The following LRP1B variants were observed in gnomAD, a reference collection of about 807,000 sequenced individuals.
The protein encoded by LRP1B is low-density lipoprotein receptor-related protein 1B.
In LRP1B, 217 loss-of-function variants were observed where a neutral mutation model predicts 556.6. The observed-to-expected ratio is 0.39, with a 90% confidence interval of 0.35 to 0.44. The LOEUF (loss-of-function observed/expected upper bound fraction) is 0.44, where lower values mean the gene tolerates loss of function less well. Ranked by LOEUF, LRP1B falls within the 20% of genes least tolerant of loss-of-function variation. The pLI is 1.00. For missense variants in LRP1B, 5,053 were observed against 5,620.8 expected, an observed-to-expected ratio of 0.90 and a Z score of 3.23; for synonymous variants, 2,047 against 1,865.8, an observed-to-expected ratio of 1.10 and a Z score of -2.50.
intron 32 of LRP1B, among the ~76,000 whole-genome samples, chr2:140,802,670 T>C (rs1690557202): frequency 6.6e-6 from 1 of 152,212 alleles, no homozygotes; most frequent in South Asian, 2.1e-4. Context: ...AGATATAGTA[T>C]GCCCAAAGCA....
At chr2:140,320,444 CTG>C (rs1414015060) in intron 82 of LRP1B, among the ~76,000 whole-genome samples, 5 of 152,120 alleles carry the variant, frequency 3.3e-5, no homozygotes, top group African/African-American at 1.2e-4. Context: ...GAGATGCTGA[CTG>C]TGAGGGTAAG....
intron 2 of LRP1B, among the ~76,000 whole-genome samples, chr2:141,672,954 T>C (rs1202201243): frequency 6.6e-6 from 1 of 152,130 alleles, no homozygotes; most frequent in Non-Finnish European, 1.5e-5. Context: ...CAAGCCCTGG[T>C]TTTACAGACT....
At chr2:140,326,191 ACTTTT>A (rs1450114269) in intron 79 of LRP1B, among the ~76,000 whole-genome samples, 6 of 152,212 alleles carry the variant, frequency 3.9e-5, no homozygotes, top group Non-Finnish European at 5.9e-5. Flanking sequence ...TCTCTAATAG[ACTTTT>A]CTTTAATATT....
rs1553526085 is a variant in LRP1B, at chr2:141,517,027, A to AC, written c.206-36495_206-36494insG. 3.6e-4 allele frequency among the ~76,000 whole-genome samples: 50 copies of AC among 136,994 alleles called. 5 individuals carry two copies. The highest frequency in any genetic ancestry group is 1.4e-3 in the African/African-American group (46 of 33,370). 89.9% of individuals were successfully genotyped at this position (136,994 alleles called of 152,430 possible). A position where few individuals can be genotyped will look rare whatever the true frequency, so the allele number is the denominator to read the frequency against. On this transcript the variant is annotated intron_variant, in intron 2 of 90. Transcript: ENST00000389484. ...CTTAAAAAAAAAAAAAAAAAAAAAA[A>AC]AAAAAGTAAATCAATGAAATAATTT...
At chr2:141,261,078 T>C (rs553832206) in intron 3 of LRP1B, among the ~76,000 whole-genome samples, 2 of 152,314 alleles carry the variant, frequency 1.3e-5, no homozygotes, top group South Asian at 4.1e-4. Context: ...CAGCTCCTCT[T>C]GTCAGCAGGA....
intron 41 of LRP1B, among the ~76,000 whole-genome samples, chr2:140,657,608 TATATACATACATATATACATAC>T (rs1684932181): frequency 7.5e-6 from 1 of 132,776 alleles, no homozygotes; most frequent in African/African-American, 2.9e-5. Flanking sequence ...TATATACATA[TATATACATACATATATACATAC>T]ATATATATAC....
chr2:142,004,971 A>G (rs1702757610), intron 1 of LRP1B, among the ~76,000 whole-genome samples: 1 of 149,722 alleles, frequency 6.7e-6, no homozygotes, highest in African/African-American at 2.4e-5. Flanking sequence ...AACAAATACT[A>G]TATATTTAGT....
At chr2:141,426,226 G>C (rs13013263) in intron 3 of LRP1B, among the ~76,000 whole-genome samples, 30,082 of 151,608 alleles carry the variant, frequency 0.2, 3,657 homozygotes, top group East Asian at 0.45. Flanking sequence ...AGATCAGATA[G>C]TTGTAGATAT....
chr2:141,934,608 C>T (rs1477808681), intron 1 of LRP1B, among the ~76,000 whole-genome samples: 4 of 152,086 alleles, frequency 2.6e-5, no homozygotes, highest in African/African-American at 4.8e-5. Context: ...CTCCCATAAT[C>T]CCCACATGTT....
At chr2:141,590,592 T>C (rs1386743857) in intron 2 of LRP1B, among the ~76,000 whole-genome samples, 2 of 151,882 alleles carry the variant, frequency 1.3e-5, no homozygotes, top group Non-Finnish European at 2.9e-5. Flanking sequence ...TATAAAAGAG[T>C]GAAACAAGGC....
At chr2:141,975,362 G>T (rs1701856091) in intron 1 of LRP1B, among the ~76,000 whole-genome samples, 2 of 151,946 alleles carry the variant, frequency 1.3e-5, no homozygotes, top group South Asian at 4.2e-4. Flanking sequence ...AATTCTGAGG[G>T]TGTCCTTATC....
At chr2:141,364,305 A>G (rs1213273154) in intron 3 of LRP1B, among the ~76,000 whole-genome samples, 2 of 150,528 alleles carry the variant, frequency 1.3e-5, no homozygotes, top group African/African-American at 5.0e-5. Flanking sequence ...GCAAACACAC[A>G]CACAGTTGAA....
chr2:141,027,952 T>C (rs181670938), intron 11 of LRP1B, among the ~76,000 whole-genome samples: 8 of 152,102 alleles, frequency 5.3e-5, no homozygotes, highest in African/African-American at 1.9e-4. Flanking sequence ...CTCAGACTTC[T>C]ATGCTCCAGA....
Position 140,252,087 on chromosome 2 carries a change from A to AAAAAAAAAAAAAAAAAAAAAAAAAAC in LRP1B, c.13248-4926_13248-4925insGTTTTTTTTTTTTTTTTTTTTTTTTT, listed in dbSNP as rs1170506845. Among the ~76,000 whole-genome samples, 7 of 111,656 alleles carry AAAAAAAAAAAAAAAAAAAAAAAAAAC rather than the reference A, an allele frequency of 6.3e-5. 1 individual carries two copies. The East Asian group carries it at 8.9e-4, about 14-fold the overall frequency. The allele number at this position is 111,656 out of a possible 152,430, so 73.3% of individuals were successfully genotyped here. A position where few individuals can be genotyped will look rare whatever the true frequency, so the allele number is the denominator to read the frequency against. On this transcript the variant is annotated intron_variant, in intron 86 of 90. Transcript: ENST00000389484. Reference sequence around the variant, plus strand: ...CAAAAAAAAAAAAAAAAAAAAAAAAAAACCCAAAAAACAAAAAAAAACAGA... The same window carrying AAAAAAAAAAAAAAAAAAAAAAAAAAC: ...CAAAAAAAAAAAAAAAAAAAAAAAAAAAAAAAAAAAAAAAAAAAAAAAAAACAACCCAAAAAACAAAAAAAAACAGA...
intron 1 of LRP1B, among the ~76,000 whole-genome samples, chr2:141,946,781 T>C (rs145953283): frequency 2.7e-3 from 412 of 152,324 alleles, no homozygotes; most frequent in African/African-American, 9.2e-3. Flanking sequence ...TTTTCATCTG[T>C]ATCTCACCGA....
chr2:140,364,670 C>A lies in LRP1B; in HGVS notation c.11122G>T (p.Asp3708Tyr), dbSNP rs200747526. The change falls in exon 72 of 91, where the codon GAT (aspartate) becomes TAT (tyrosine). Residue 3708 changes from aspartate to tyrosine, a missense_variant. This residue lies in a region of LRP1B where 599 missense variants were observed against 648.4 expected (regional missense o/e 0.92). Transcript: ENST00000389484. ...DCGDNSDEAP[D>Y]MCVKFLCPST... Reference sequence around the variant, plus strand: ...ACGTGAAATGCCATACCACACATATCAGGGGCTTCATCAGAGTTGTCTCCA... The same window carrying A: ...ACGTGAAATGCCATACCACACATATAAGGGGCTTCATCAGAGTTGTCTCCA... The A allele has an allele frequency of 6.2e-7, 1 of 1,609,614 alleles. No homozygotes were observed. The highest frequency in any genetic ancestry group is 8.5e-7 in the Non-Finnish European group (1 of 1,177,246).
chr2:140,924,296 G>T (rs1357270034), intron 20 of LRP1B, among the ~76,000 whole-genome samples: 3 of 152,006 alleles, frequency 2.0e-5, no homozygotes, highest in East Asian at 3.9e-4. Context: ...TATTTGTTCA[G>T]TGAGAATGCA....
In LRP1B at chr2:140,324,103, G is replaced by A. The variant is rs1436204908; in HGVS notation, c.12341-37C>T. On this transcript the variant is annotated intron_variant, in intron 80 of 90. Coordinates refer to ENST00000389484, the MANE Select transcript of LRP1B (RefSeq NM_018557.3). ...AAAAGGCAGTTATGAAAGTTTTAATGTATATACTCAGACTTTAAAAACTAT... is the reference window on the plus strand; with the variant it reads ...AAAAGGCAGTTATGAAAGTTTTAATATATATACTCAGACTTTAAAAACTAT... The A allele has an allele frequency of 4.6e-6, 6 of 1,308,152 alleles. No homozygotes were observed. The East Asian group carries it at 9.3e-5, about 20-fold the overall frequency. The allele number at this position is 1,308,152 out of a possible 1,614,324, so 81.0% of individuals were successfully genotyped here.
intron 2 of LRP1B, among the ~76,000 whole-genome samples, chr2:141,493,796 G>A (rs989752468): frequency 8.5e-5 from 13 of 152,118 alleles, no homozygotes; most frequent in African/African-American, 2.7e-4. Context: ...ACTGCATAGA[G>A]GAACTGTATT....
Sources: allele counts gnomAD v4.1 joint callset (sites outside exome capture counted in the v4.1 genomes callset), GRCh38; gene constraint gnomAD v4.1.1; regional missense constraint gnomAD v4.1.1; transcripts MANE v1.5; gene names NCBI Gene and HGNC (gene_info 2026-07-23, HGNC 2026-07-21).